The following RSPO1 variants were observed in gnomAD, a reference collection of about 807,000 sequenced individuals.
RSPO1 encodes R-spondin 1, also known as R-spondin-1.
A neutral mutation model predicts 26.0 loss-of-function variants in RSPO1; 18 were observed. The ratio of observed to expected loss-of-function variants is 0.69; its 90% CI spans 0.48 to 1.03. The LOEUF (loss-of-function observed/expected upper bound fraction) is 1.03, where lower values mean the gene tolerates loss of function less well. Ranked by LOEUF, RSPO1 falls within the 50% of genes least tolerant of loss-of-function variation. The pLI, the probability that RSPO1 is intolerant of heterozygous loss-of-function variation, is 0.00. For synonymous variants in RSPO1, 133 were observed against 137.4 expected (o/e 0.97, Z 0.22); for missense variants, 309 against 352.3 (o/e 0.88, Z 0.98).
chr1:37,612,964 A>C (rs980988394), intron 6 of RSPO1, 43 bp from the exon 7 acceptor site: 31 of 1,608,798 alleles, frequency 1.9e-5, no homozygotes, highest in Non-Finnish European at 2.5e-5. Flanking sequence ...AAGGATGTGC[A>C]GGGAGGCCCT....
chr1:37,628,616 G>A (rs6656509), intron 3 of RSPO1, among the ~76,000 whole-genome samples: 8,587 of 152,258 alleles, frequency 0.056, 806 homozygotes, highest in African/African-American at 0.2. Context: ...CATCTCCCTC[G>A]TGTGGGCCCC....
In RSPO1 at chr1:37,612,566, C is replaced by A; in HGVS notation, c.*189G>T. 1 of 670,202 alleles carries A rather than the reference C, an allele frequency of 1.5e-6. No homozygotes were observed. The highest frequency in any genetic ancestry group is 1.7e-5 in the South Asian group (1 of 60,044). 41.5% of individuals were successfully genotyped at this position (670,202 alleles called of 1,614,324 possible). On this transcript the variant is annotated 3_prime_UTR_variant, in exon 7 of 7. Coordinates refer to ENST00000356545, the MANE Select transcript of RSPO1 (RefSeq NM_001242908.2). ...GTGTCTGCGTGTGTACATGAACACACATGTGCAAGTATGTATGGTTGTATA... is the reference window on the plus strand; with the variant it reads ...GTGTCTGCGTGTGTACATGAACACAAATGTGCAAGTATGTATGGTTGTATA...
In RSPO1 at chr1:37,613,417, C is replaced by G. The variant is rs1441887055; in HGVS notation, c.625+287G>C. Among the ~76,000 whole-genome samples the G allele has an allele frequency of 6.6e-6, 1 of 152,216 alleles. No individual in the cohort carries two copies. Among genetic ancestry groups the G allele is most frequent in the Non-Finnish European group, 1.5e-5 (1 of 68,042 alleles). On this transcript the variant is annotated intron_variant, in intron 6 of 6. Coordinates refer to ENST00000356545, the MANE Select transcript of RSPO1 (RefSeq NM_001242908.2). The surrounding 1 kb of genome is among the most constrained non-coding windows in gnomAD (Gnocchi z 4.5). ...CCCTTTTCACCCACCCATCCTGCCT[C>G]CGAGGGGCCTTCTAGTATGAACATC...
In RSPO1 at chr1:37,634,108, G is replaced by T. The variant is rs1258535558; in HGVS notation, c.-356+458C>A. ...AGCCGCGCCACTTCGCTGCGCACCG[G>T]GGGCCGCAGCGCATGCCGCCTGCCA... On this transcript the variant is annotated intron_variant, in intron 1 of 6. Transcript: ENST00000356545. The surrounding 1 kb of genome is among the most constrained non-coding windows in gnomAD (Gnocchi z 4.7). Among the ~76,000 whole-genome samples, 1 of 152,206 alleles carries T rather than the reference G, an allele frequency of 6.6e-6. No individual in the cohort carries two copies. The highest frequency in any genetic ancestry group is 1.5e-5 in the Non-Finnish European group (1 of 68,046).
chr1:37,612,618 T>C lies in RSPO1; in HGVS notation c.*137A>G. The C allele has an allele frequency of 1.1e-6, 1 of 900,664 alleles. No individual in the cohort carries two copies. The highest frequency in any genetic ancestry group is 1.4e-5 in the South Asian group (1 of 71,798). The allele number at this position is 900,664 out of a possible 1,614,324, so 55.8% of individuals were successfully genotyped here. ...GTGGACAGGGGTTTGAGCGTGTGTG[T>C]CTTGTGTCTATGTATGCATGGATGG... On this transcript the variant is annotated 3_prime_UTR_variant, in exon 7 of 7. Coordinates refer to ENST00000356545, the MANE Select transcript of RSPO1 (RefSeq NM_001242908.2).
At chr1:37,617,488 G>T (rs1425400635) in intron 3 of RSPO1, among the ~76,000 whole-genome samples, 1 of 151,626 alleles carries the variant, frequency 6.6e-6, no homozygotes, top group Admixed American at 6.6e-5. Context: ...GTGAAACCCC[G>T]TCTCTAATAA....
intron 3 of RSPO1, among the ~76,000 whole-genome samples, chr1:37,627,994 C>T (rs779964917): frequency 6.6e-6 from 1 of 152,206 alleles, no homozygotes; most frequent in African/African-American, 2.4e-5. Flanking sequence ...GCAGGAGATT[C>T]GCCATCGCTA....
Position 37,614,305 on chromosome 1 carries a change from G to T in RSPO1, c.315C>A (p.Cys105Ter), listed in dbSNP as rs1644076334. ...IKCKIEHCEA[C>*]FSHNFCTKCK... ...ACTTGGTGCAGAAGTTATGGCTGAA[G>T]CAGGCCTCACAGTGCTCGATCTTGC... The change falls in exon 5 of 7, where the codon TGC becomes TGA. Residue 105 changes from cysteine to a stop codon, truncating the protein, a stop_gained. Transcript: ENST00000356545. LOFTEE classifies it high-confidence loss of function. 1.2e-6 allele frequency: 2 copies of T among 1,613,702 alleles called. No individual in the cohort carries two copies. Among genetic ancestry groups the T allele is most frequent in the African/African-American group, 1.3e-5 (1 of 74,904 alleles).
intron 3 of RSPO1, among the ~76,000 whole-genome samples, chr1:37,618,517 G>T (rs1159635491): frequency 6.6e-6 from 1 of 152,194 alleles, no homozygotes; most frequent in Non-Finnish European, 1.5e-5. Flanking sequence ...GGTAGCCAGG[G>T]TGGAGACCAG....
chr1:37,628,422 C>T (rs1192119704), intron 3 of RSPO1, among the ~76,000 whole-genome samples: 1 of 152,226 alleles, frequency 6.6e-6, no homozygotes, highest in African/African-American at 2.4e-5. Context: ...TGGCTGCTCC[C>T]GTGGAGCCCC....
chr1:37,626,875 G>A (rs1175026884), intron 3 of RSPO1, among the ~76,000 whole-genome samples: 1 of 152,048 alleles, frequency 6.6e-6, no homozygotes, highest in Admixed American at 6.5e-5. Flanking sequence ...AAGGTGCAGG[G>A]ACCCCAGATC....
chr1:37,617,690 G>T lies in RSPO1; in HGVS notation c.95-1015C>A, dbSNP rs1016551797. Among the ~76,000 whole-genome samples, 671 of 77,112 alleles carry T rather than the reference G, an allele frequency of 8.7e-3. 8 individuals are homozygous for T. The highest frequency in any genetic ancestry group is 0.033 in the African/African-American group (647 of 19,748). 50.6% of individuals were successfully genotyped at this position (77,112 alleles called of 152,430 possible). ...AAAAAAAAAAAAAAAAAAAAAAAAA[G>T]AGAGAACCATCTTTTGAGGCTTCAT... On this transcript the variant is annotated intron_variant, in intron 3 of 6. Transcript: ENST00000356545.
chr1:37,623,419 T>TAGCC (rs1240898107), intron 3 of RSPO1, among the ~76,000 whole-genome samples: 3 of 152,074 alleles, frequency 2.0e-5, no homozygotes, highest in Non-Finnish European at 4.4e-5. Flanking sequence ...CGTGGAGGTA[T>TAGCC]AGCCACAAAA....
Position 37,613,023 on chromosome 1 carries a change from G to A in RSPO1, c.626-102C>T. The A allele has an allele frequency of 7.6e-7, 1 of 1,320,448 alleles. No individual in the cohort carries two copies. Among genetic ancestry groups the A allele is most frequent in the Admixed American group, 1.8e-5 (1 of 56,652 alleles). The allele number at this position is 1,320,448 out of a possible 1,614,324, so 81.8% of individuals were successfully genotyped here. On this transcript the variant is annotated intron_variant, in intron 6 of 6. Transcript: ENST00000356545. This position sits in a 1 kb window ranked among gnomAD's most constrained non-coding sequence, Gnocchi z 4.5. ...GGGGAGTGTGAGGAAGCCGGAAGGG[G>A]AGGCAGGGAGGAGGCTGGAGATGCT...
At position 37,634,003 on chromosome 1, in the gene RSPO1, T is replaced by A. The variant is rs1344996270; in HGVS notation, c.-356+563A>T. Among the ~76,000 whole-genome samples the A allele has an allele frequency of 6.6e-6, 1 of 151,762 alleles. No individual in the cohort carries two copies. The highest frequency in any genetic ancestry group is 1.5e-5 in the Non-Finnish European group (1 of 67,934). On this transcript the variant is annotated intron_variant, in intron 1 of 6. Coordinates refer to ENST00000356545, the MANE Select transcript of RSPO1 (RefSeq NM_001242908.2). This position sits in a 1 kb window ranked among gnomAD's most constrained non-coding sequence, Gnocchi z 4.7. ...AAGTCTGTCCCGGCCCTCCAGGGAGTCCCGGGCGAACATAGCCCCCACCTC... is the reference window on the plus strand; with the variant it reads ...AAGTCTGTCCCGGCCCTCCAGGGAGACCCGGGCGAACATAGCCCCCACCTC...
rs536438426 is a variant in RSPO1, at chr1:37,616,568, C to T, written c.202G>A (p.Asp68Asn). Residue 68 changes from aspartate to asparagine, a missense_variant, in exon 4 of 7, where the codon GAC becomes AAC. Physicochemically the swap from Asp to Asn is conservative, Grantham distance 23. Transcript: ENST00000356545. ...PKLFILLERN[D>N]IRQVGVCLPS... is the part of the protein sequence containing the mutation. ...AAGCAGACGCCCACCTGGCGGATGT[C>T]GTTCCTCTCCAGCAGGATGAACAGC... The T allele has an allele frequency of 6.2e-7, 1 of 1,614,200 alleles. No homozygotes were observed. The highest frequency in any genetic ancestry group is 1.3e-5 in the African/African-American group (1 of 75,068).
chr1:37,630,041 A>G (rs931044167), intron 2 of RSPO1, 92 bp from the exon 3 acceptor site: 1 of 666,408 alleles, frequency 1.5e-6, no homozygotes, highest in Non-Finnish European at 2.7e-6. Flanking sequence ...TGGGAGCTCA[A>G]AATGTTTGGA....
chr1:37,616,596 G>A lies in RSPO1; in HGVS notation c.174C>T (p.Pro58=). 6.2e-7 allele frequency: 1 copy of A among 1,614,188 alleles called. No individual in the cohort carries two copies. Among genetic ancestry groups the A allele is most frequent in the South Asian group, 1.1e-5 (1 of 91,088 alleles). ...SEVNGCLKCS[P]KLFILLERND... ...TCCTCTCCAGCAGGATGAACAGCTT[G>A]GGTGAGCACTTGAGGCAGCCGTTGA... Residue 58 remains proline, a synonymous_variant, in exon 4 of 7, where the codon CCC becomes CCT. Transcript: ENST00000356545.
At chr1:37,628,253 G>A (rs1421851619) in intron 3 of RSPO1, among the ~76,000 whole-genome samples, 1 of 152,188 alleles carries the variant, frequency 6.6e-6, no homozygotes, top group Non-Finnish European at 1.5e-5. Context: ...ACCGCATCTG[G>A]CCCATGGAGT....
Sources: allele counts gnomAD v4.1 joint callset (sites outside exome capture counted in the v4.1 genomes callset), GRCh38; gene constraint gnomAD v4.1.1; non-coding constraint Gnocchi (gnomAD v3.1); transcripts MANE v1.5; gene names NCBI Gene and HGNC (gene_info 2026-07-23, HGNC 2026-07-21).